TMEM161A: variants seen among roughly 807,000 people sequenced by gnomAD.
TMEM161A encodes adaptive response to oxidative stress protein 29.
Under a neutral mutation model 57.1 loss-of-function variants are expected in TMEM161A, and 46 were observed. The observed-to-expected ratio is 0.81, with a 90% CI of 0.64 to 1.03. The LOEUF is 1.03. TMEM161A is among the 50% of genes least tolerant of loss of function. The pLI is 0.00. For synonymous variants in TMEM161A, 288 were observed against 279.0 expected, an observed-to-expected ratio of 1.03 and a Z score of -0.32; for missense variants, 601 against 621.5, an observed-to-expected ratio of 0.97 and a Z score of 0.35.
At chr19:19,125,829 T>G (rs1057286428) in intron 6 of TMEM161A, among the ~76,000 whole-genome samples, 5 of 151,706 alleles carry the variant, frequency 3.3e-5, no homozygotes, top group African/African-American at 1.2e-4. Flanking sequence ...CATTCTATAT[T>G]TTCTTCTAAA....
At chr19:19,130,602 A>G in intron 5 of TMEM161A, 1 of 410,214 alleles carries the variant, frequency 2.4e-6, no homozygotes, top group African/African-American at 2.0e-5. Flanking sequence ...TTGGAAAAGC[A>G]ATCAGATATA....
At chr19:19,124,088 G>C (rs900138923) in intron 6 of TMEM161A, among the ~76,000 whole-genome samples, 30 of 151,930 alleles carry the variant, frequency 2.0e-4, no homozygotes, top group African/African-American at 4.8e-4. Context: ...AAGACAGAAG[G>C]GTTCCATACA....
chr19:19,138,398 C>T lies in TMEM161A; in HGVS notation c.3+28G>A, dbSNP rs368567558. The T allele has an allele frequency of 2.9e-4, 464 of 1,600,078 alleles. 1 individual carries two copies. The highest frequency in any genetic ancestry group is 3.5e-4 in the Non-Finnish European group (414 of 1,173,460). ...TCGGCTGGACCTCGGCCCTGCAGAA[C>T]CCCCCACTTCGCGGGACGCTCGCTC... On this transcript the variant is annotated intron_variant, in intron 1 of 11. Coordinates refer to ENST00000162044, the MANE Select transcript of TMEM161A (RefSeq NM_017814.3).
At position 19,121,698 on chromosome 19, in the gene TMEM161A, T is replaced by C; in HGVS notation, c.657-30A>G. ...GAGAACACCAGGTCACGAGCCTGCC[T>C]GGGGGACCCTGGGAGGGTCCCAGCC... On this transcript the variant is annotated intron_variant, in intron 7 of 11. Coordinates refer to ENST00000162044, the MANE Select transcript of TMEM161A (RefSeq NM_017814.3). The surrounding 1 kb of genome is among the most constrained non-coding windows in gnomAD (Gnocchi z 5.8). 6.2e-7 allele frequency: 1 copy of C among 1,612,038 alleles called. No individual in the cohort carries two copies. Among genetic ancestry groups the C allele is most frequent in the South Asian group, 1.1e-5 (1 of 91,058 alleles).
chr19:19,128,228 CTTTTTTTTTTTT>C (rs531458159), intron 6 of TMEM161A, among the ~76,000 whole-genome samples: 2 of 120,768 alleles, frequency 1.7e-5, no homozygotes, highest in African/African-American at 6.4e-5. Flanking sequence ...TCTAAATAGA[CTTTTTTTTTTTT>C]TTTTTTTTTG....
chr19:19,128,975 G>C (rs575740142), intron 6 of TMEM161A, among the ~76,000 whole-genome samples: 1 of 152,288 alleles, frequency 6.6e-6, no homozygotes, highest in Admixed American at 6.5e-5. Context: ...AATGTGAACA[G>C]GTATTTCACA....
Position 19,120,817 on chromosome 19 carries a change from G to A in TMEM161A, c.1134C>T (p.Tyr378=). The change falls in exon 11 of 12, where the codon TAC becomes TAT. Residue 378 remains tyrosine, a synonymous_variant. Coordinates refer to ENST00000162044, the MANE Select transcript of TMEM161A (RefSeq NM_017814.3). The part of the protein sequence containing the change: ...YCYVTVVSLQ[Y]LTPLILTLNC... ...TGAGGGTGAGGATGAGCGGCGTCAG[G>A]TACTGCAAGCTCACCACGGTCACAT... is the stretch of plus-strand genomic sequence containing the variant. 6.2e-7 allele frequency: 1 copy of A among 1,613,480 alleles called. No homozygotes were observed. Among genetic ancestry groups the A allele is most frequent in the Non-Finnish European group, 8.5e-7 (1 of 1,180,032 alleles).
chr19:19,133,078 C>G, intron 3 of TMEM161A, 52 bp downstream of exon 3: 34 of 1,565,880 alleles, frequency 2.2e-5, no homozygotes, highest in Non-Finnish European at 2.9e-5. Context: ...TGAGGCCGTT[C>G]CTGGGGAGGA....
chr19:19,121,635 T>C lies in TMEM161A; in HGVS notation c.690A>G (p.Gly230=). Residue 230 remains glycine (G), a synonymous_variant, in exon 8 of 12, where the codon GGA becomes GGG. Coordinates refer to ENST00000162044, the MANE Select transcript of TMEM161A (RefSeq NM_017814.3). The surrounding 1 kb of genome is among the most constrained non-coding windows in gnomAD (Gnocchi z 5.8). ...CCAGCACAGAGCCCACCACTGCCAG[T>C]CCCACGCGGATAGCCAGCTTGGCCA... ...LPVAKLAIRV[G]LAVVGSVLGA... 6.2e-7 allele frequency: 1 copy of C among 1,613,900 alleles called. No individual in the cohort carries two copies. Among genetic ancestry groups the C allele is most frequent in the Non-Finnish European group, 8.5e-7 (1 of 1,179,916 alleles).
chr19:19,133,338 G>C (rs751132929), intron 2 of TMEM161A, 128 bp from the exon 3 acceptor site: 3 of 779,412 alleles, frequency 3.8e-6, no homozygotes, highest in Non-Finnish European at 4.3e-6. Flanking sequence ...AGGTAGGTGA[G>C]GGTACAGCAT....
At chr19:19,131,358 T>A (rs529226001) in intron 5 of TMEM161A, among the ~76,000 whole-genome samples, 27 of 151,792 alleles carry the variant, frequency 1.8e-4, no homozygotes, top group Non-Finnish European at 3.2e-4. Flanking sequence ...CCCAAAGTCA[T>A]GTATTTGCTC....
chr19:19,129,993 A>G (rs2059949722), intron 6 of TMEM161A, among the ~76,000 whole-genome samples, 163 bp downstream of exon 6: 2 of 152,192 alleles, frequency 1.3e-5, no homozygotes, highest in Admixed American at 1.3e-4. Context: ...CCAAAGCCCA[A>G]CAAGGTTCAG....
In TMEM161A at chr19:19,134,843, G is replaced by T. The variant is rs1222217625; in HGVS notation, c.48C>A (p.Thr16=). The T allele has an allele frequency of 3.1e-6, 5 of 1,599,648 alleles. No homozygotes were observed. The highest frequency in any genetic ancestry group is 4.3e-6 in the Non-Finnish European group (5 of 1,173,890). The change falls in exon 2 of 12, where the codon ACC becomes ACA. Residue 16 remains threonine, a synonymous_variant. Coordinates refer to ENST00000162044, the MANE Select transcript of TMEM161A (RefSeq NM_017814.3). ...AGTGTGGCGCCAGCCTGTGCATGAG[G>T]GTGGCAGTGAGCAGGGTCACCACCA... is the stretch of plus-strand genomic sequence containing the variant. The part of the protein sequence containing the change: ...VQLVVTLLTA[T]LMHRLAPHCS...
chr19:19,119,781 G>C lies in TMEM161A; in HGVS notation c.*149C>G. ...GGCAGAAACTCGGCGTCCAAGGGGG[G>C]CCGCGGGTCAGGCACTGTGGTGAAG... On this transcript the variant is annotated 3_prime_UTR_variant, in exon 12 of 12. Transcript: ENST00000162044. 9.9e-7 allele frequency: 1 copy of C among 1,006,380 alleles called. No homozygotes were observed. Among genetic ancestry groups the C allele is most frequent in the Non-Finnish European group, 1.4e-6 (1 of 703,668 alleles). The allele number at this position is 1,006,380 out of a possible 1,614,324, so 62.3% of individuals were successfully genotyped here. A position where few individuals can be genotyped will look rare whatever the true frequency, so the allele number is the denominator to read the frequency against.
rs368170931 is a variant in TMEM161A at position 19,132,483 on chromosome 19, C to T, written c.312G>A (p.Gln104=). Residue 104 remains glutamine (Q), a synonymous_variant, in exon 5 of 12, where the codon CAG becomes CAA. Transcript: ENST00000162044. This position sits in a 1 kb window ranked among gnomAD's most constrained non-coding sequence, Gnocchi z 4.3. Reference sequence around the variant, plus strand: ...AGTACACAGCAAAGTCCACAAACCACTGGTACTCCAGGAAGAAGCGCAGGA... The same window carrying T: ...AGTACACAGCAAAGTCCACAAACCATTGGTACTCCAGGAAGAAGCGCAGGA... ...ALVLRFFLEY[Q]WFVDFAVYSG... 6.2e-7 allele frequency: 1 copy of T among 1,614,110 alleles called. No homozygotes were observed. The highest frequency in any genetic ancestry group is 1.1e-5 in the South Asian group (1 of 91,088).
intron 5 of TMEM161A, among the ~76,000 whole-genome samples, chr19:19,130,918 G>A (rs2059955550): frequency 7.0e-6 from 1 of 142,060 alleles, no homozygotes; most frequent in South Asian, 2.3e-4. Context: ...GGGATATCTT[G>A]TCTCAAACAA....
intron 1 of TMEM161A, among the ~76,000 whole-genome samples, chr19:19,135,543 C>T (rs1267361260): frequency 1.3e-5 from 2 of 152,038 alleles, no homozygotes; most frequent in Non-Finnish European, 2.9e-5. Context: ...GTGGGGTGAG[C>T]TTATTTATTT....
At position 19,121,101 on chromosome 19, in the gene TMEM161A, A is replaced by G. The variant is rs1230164817; in HGVS notation, c.980T>C (p.Leu327Pro). Residue 327 changes from leucine to proline, a missense_variant, in exon 10 of 12, where the codon CTG (leucine) becomes CCG (proline). Coordinates refer to ENST00000162044, the MANE Select transcript of TMEM161A (RefSeq NM_017814.3). The surrounding 1 kb of genome is among the most constrained non-coding windows in gnomAD (Gnocchi z 5.8). ...CTGCAGGTGGGGCCGGGTCACCGCCAGCCGCAGCAGGCACAGCACCACCAG... is the reference window on the plus strand; with the variant it reads ...CTGCAGGTGGGGCCGGGTCACCGCCGGCCGCAGCAGGCACAGCACCACCAG... Reference protein sequence around the residue: ...WLLVVLCLLRLAVTRPHLQAY... With the variant: ...WLLVVLCLLRPAVTRPHLQAY... The G allele has an allele frequency of 2.5e-6, 4 of 1,611,676 alleles. No homozygotes were observed. The African/African-American group carries it at 5.3e-5, about 22-fold the overall frequency.
intron 2 of TMEM161A, 77 bp downstream of exon 2, chr19:19,134,707 A>C: frequency 8.9e-7 from 1 of 1,117,408 alleles, no homozygotes; most frequent in Non-Finnish European, 1.3e-6. Flanking sequence ...AGGCTTTGCA[A>C]TTTGTGAGGC....
Sources: allele counts gnomAD v4.1 joint callset (sites outside exome capture counted in the v4.1 genomes callset), GRCh38; gene constraint gnomAD v4.1.1; non-coding constraint Gnocchi (gnomAD v3.1); transcripts MANE v1.5; gene names NCBI Gene and HGNC (gene_info 2026-07-23, HGNC 2026-07-21).